ABCC4: variants seen among roughly 807,000 people sequenced by gnomAD.
ABCC4 encodes the protein ATP binding cassette subfamily C member 4 (PEL blood group).
ABCC4 carries 102 observed loss-of-function variants against 168.5 expected under a neutral mutation model. The ratio of observed to expected loss-of-function variants is 0.61; its 90% CI spans 0.52 to 0.71. The LOEUF (loss-of-function observed/expected upper bound fraction) is 0.71. Among genes scored for constraint, ABCC4 ranks in the 30% least tolerant of loss-of-function variants. The pLI is 0.00. For missense variants in ABCC4, 1,402 were observed against 1,605.8 expected, an observed-to-expected ratio of 0.87 and a Z score of 2.17; for synonymous variants, 617 against 590.7, an observed-to-expected ratio of 1.04 and a Z score of -0.65.
chr13:95,230,230 T>C (rs2039583160), intron 4 of ABCC4, among the ~76,000 whole-genome samples: 1 of 152,208 alleles, frequency 6.6e-6, no homozygotes, highest in African/African-American at 2.4e-5. Flanking sequence ...CCGAGGAACC[T>C]GAACAAACCA....
intron 19 of ABCC4, among the ~76,000 whole-genome samples, chr13:95,133,405 C>A (rs536537901): frequency 1.3e-5 from 2 of 152,134 alleles, no homozygotes; most frequent in African/African-American, 4.8e-5. Context: ...TGAGCCACCA[C>A]ACCCAGTCCC....
At chr13:95,126,993 T>G (rs1368679084) in intron 19 of ABCC4, among the ~76,000 whole-genome samples, 1 of 151,608 alleles carries the variant, frequency 6.6e-6, no homozygotes, top group Non-Finnish European at 1.5e-5. Flanking sequence ...ATTACTATGA[T>G]TCTTATAATT....
At chr13:95,097,119 T>C (rs898952220) in intron 20 of ABCC4, among the ~76,000 whole-genome samples, 1 of 152,124 alleles carries the variant, frequency 6.6e-6, no homozygotes, top group Non-Finnish European at 1.5e-5. Flanking sequence ...AGGAAATTAT[T>C]TGAAAATAGA....
chr13:95,113,377 A>G (rs1236441711), intron 20 of ABCC4, among the ~76,000 whole-genome samples: 1 of 152,202 alleles, frequency 6.6e-6, no homozygotes, highest in East Asian at 1.9e-4. Flanking sequence ...GATTGCTGTT[A>G]TAACTAACAG....
At chr13:95,274,776 C>T (rs2040932450) in intron 1 of ABCC4, among the ~76,000 whole-genome samples, 1 of 152,138 alleles carries the variant, frequency 6.6e-6, no homozygotes, top group Non-Finnish European at 1.5e-5. Flanking sequence ...CTGACCATCA[C>T]AAAAAACAAC....
chr13:95,045,468 TA>T (rs1165735748), intron 27 of ABCC4, among the ~76,000 whole-genome samples: 1 of 152,184 alleles, frequency 6.6e-6, no homozygotes, highest in Admixed American at 6.5e-5. Flanking sequence ...CCTATGGCTA[TA>T]AAGTAGGTCA....
At chr13:95,035,689 C>A (rs2032091655) in intron 29 of ABCC4, among the ~76,000 whole-genome samples, 1 of 152,184 alleles carries the variant, frequency 6.6e-6, no homozygotes, top group African/African-American at 2.4e-5. Context: ...CTTAACTCTG[C>A]ATTTCTACTT....
Position 95,075,498 on chromosome 13 carries a change from T to G in ABCC4, c.2740A>C (p.Ile914Leu), listed in dbSNP as rs762567197. The G allele has an allele frequency of 1.2e-6, 2 of 1,614,134 alleles. No homozygotes were observed. ...LSSSLQGLWT[I>L]RAYKAEERCQ... ...CTCTCTTCTGCTTTGTATGCCCGGA[T>G]GGTCCAGAGCCCCTGGAGAGAAGAT... The change falls in exon 22 of 31, where the codon ATC (isoleucine) becomes CTC (leucine). Residue 914 changes from isoleucine (I) to leucine (L), a missense_variant. This residue lies in a region of ABCC4 where 1,007 missense variants were observed against 1,127.3 expected (regional missense o/e 0.89). Coordinates refer to ENST00000645237, the MANE Select transcript of ABCC4 (RefSeq NM_005845.5).
At chr13:95,039,251 CA>C (rs1407327513) in intron 29 of ABCC4, among the ~76,000 whole-genome samples, 1 of 152,166 alleles carries the variant, frequency 6.6e-6, no homozygotes, top group Non-Finnish European at 1.5e-5. Flanking sequence ...TGAAATGCCC[CA>C]ATGAGTGTCT....
intron 8 of ABCC4, 68 bp downstream of exon 8, chr13:95,206,464 C>G: frequency 6.4e-7 from 1 of 1,573,226 alleles, no homozygotes. Flanking sequence ...CATAGTGATG[C>G]TAAATAAAAG....
At chr13:95,059,146 G>C (rs1566379663) in intron 26 of ABCC4, among the ~76,000 whole-genome samples, 1 of 152,188 alleles carries the variant, frequency 6.6e-6, no homozygotes, top group Non-Finnish European at 1.5e-5. Flanking sequence ...AGCCAACATG[G>C]GTTTAAAGTC....
chr13:95,084,089 G>A (rs2034184923), intron 20 of ABCC4, among the ~76,000 whole-genome samples: 1 of 152,202 alleles, frequency 6.6e-6, no homozygotes, highest in Non-Finnish European at 1.5e-5. Flanking sequence ...CTTTGGAAGT[G>A]GGGAGTCATC....
chr13:95,090,735 A>G lies in ABCC4; in HGVS notation c.2536-7445T>C, dbSNP rs143338705. ...CAAAATAAGGCTCTTTACCAGCCTC[A>G]CAAAATCACACTAGTTCACCAGCAA... On this transcript the variant is annotated intron_variant, in intron 20 of 30. Coordinates refer to ENST00000645237, the MANE Select transcript of ABCC4 (RefSeq NM_005845.5). Among the ~76,000 whole-genome samples, 116 of 152,308 alleles carry G rather than the reference A, an allele frequency of 7.6e-4. 1 individual carries two copies. Among genetic ancestry groups the G allele is most frequent in the Middle Eastern group, 3.4e-3 (1 of 294 alleles).
Position 95,074,273 on chromosome 13 carries a change from T to C in ABCC4, c.2858A>G (p.Asp953Gly). The C allele has an allele frequency of 1.9e-6, 3 of 1,613,986 alleles. No homozygotes were observed. Among genetic ancestry groups the C allele is most frequent in the Non-Finnish European group, 2.5e-6 (3 of 1,179,958 alleles). ...TTSRWFAVRL[D>G]AICAMFVIIV... ...GATGACAAACATGGCACAGATGGCATCCAGACGGACGGCAAACCAGCGGGA... is the reference window on the plus strand; with the variant it reads ...GATGACAAACATGGCACAGATGGCACCCAGACGGACGGCAAACCAGCGGGA... The change falls in exon 23 of 31, where the codon GAT becomes GGT. Residue 953 changes from aspartate to glycine, a missense_variant. Coordinates refer to ENST00000645237, the MANE Select transcript of ABCC4 (RefSeq NM_005845.5).
At chr13:95,151,248 G>A (rs2036664359) in intron 19 of ABCC4, among the ~76,000 whole-genome samples, 1 of 152,094 alleles carries the variant, frequency 6.6e-6, no homozygotes, top group South Asian at 2.1e-4. Context: ...GGAGGCTGAA[G>A]GCAGATCACT....
chr13:95,249,027 T>A (rs984315532), intron 1 of ABCC4, among the ~76,000 whole-genome samples: 9 of 151,772 alleles, frequency 5.9e-5, no homozygotes, highest in Admixed American at 5.9e-4. Flanking sequence ...GGCAACAGAG[T>A]GAGACTATCT....
chr13:95,295,642 A>G (rs914438636), intron 1 of ABCC4, among the ~76,000 whole-genome samples: 51 of 149,770 alleles, frequency 3.4e-4, no homozygotes, highest in African/African-American at 9.6e-4. Flanking sequence ...TGGGCAACAG[A>G]GCAAGACTCC....
chr13:95,062,930 G>T, intron 25 of ABCC4, 71 bp from the exon 26 acceptor site: 1 of 1,533,126 alleles, frequency 6.5e-7, no homozygotes, highest in South Asian at 1.3e-5. Context: ...AAAACTAGGA[G>T]AAAACTTTCG....
chr13:95,185,733 T>C (rs1310860980), intron 11 of ABCC4, among the ~76,000 whole-genome samples: 2 of 151,344 alleles, frequency 1.3e-5, no homozygotes, highest in African/African-American at 2.5e-5. Context: ...ATTTTTTCTA[T>C]CTTCTAGAAC....
Sources: gnomAD v4.1 joint callset for allele counts (sites outside exome capture counted in the v4.1 genomes callset) on GRCh38, gnomAD v4.1.1 for gene constraint, gnomAD v4.1.1 regional missense constraint, MANE v1.5 for transcripts, NCBI Gene and HGNC (gene_info 2026-07-23, HGNC 2026-07-21) for gene names.